The following AFF3 variants were observed in gnomAD, a reference collection of about 807,000 sequenced individuals.
The protein encoded by AFF3 is AF4/FMR2 family member 3.
In AFF3, 32 loss-of-function variants were observed where a neutral mutation model predicts 129.7. That is an observed-to-expected ratio of 0.25 (90% confidence interval 0.19 to 0.33). The LOEUF (loss-of-function observed/expected upper bound fraction) is 0.33, where lower values mean the gene tolerates loss of function less well. Ranked by LOEUF, AFF3 falls within the 10% of genes least tolerant of loss-of-function variation. The pLI is 1.00. For synonymous variants in AFF3, 644 were observed against 635.4 expected, an observed-to-expected ratio of 1.01 and a Z score of -0.20; for missense variants, 1,373 against 1,592.0, an observed-to-expected ratio of 0.86 and a Z score of 2.34.
At chr2:100,070,948 TTATAA>T in intron 4 of AFF3, among the ~76,000 whole-genome samples, 1 of 152,236 alleles carries the variant, frequency 6.6e-6, no homozygotes, top group Admixed American at 6.5e-5. Context: ...GAGATTTTTC[TTATAA>T]TAGGATATAT....
chr2:99,587,661 G>T (rs1298633161), intron 15 of AFF3, among the ~76,000 whole-genome samples: 2 of 152,190 alleles, frequency 1.3e-5, no homozygotes, highest in African/African-American at 2.4e-5. Context: ...GCAAGTGTGT[G>T]TTCTCTGGGA....
At chr2:100,104,615 C>G in intron 3 of AFF3, 97 bp from the exon 4 acceptor site, 1 of 957,996 alleles carries the variant, frequency 1.0e-6, no homozygotes, top group Non-Finnish European at 1.2e-6. Context: ...CCCGACGCCC[C>G]CCGCCCCCGA....
intron 11 of AFF3, among the ~76,000 whole-genome samples, chr2:99,722,067 A>C (rs1319042347): frequency 6.6e-6 from 1 of 151,968 alleles, no homozygotes; most frequent in Non-Finnish European, 1.5e-5. Context: ...CAAATGTTAC[A>C]TTTTTCAGTT....
intron 7 of AFF3, among the ~76,000 whole-genome samples, chr2:99,897,769 T>C (rs911215681): frequency 6.6e-6 from 1 of 152,182 alleles, no homozygotes; most frequent in Non-Finnish European, 1.5e-5. Flanking sequence ...GACACACATA[T>C]ATTGTTTTAT....
At chr2:99,678,530 G>A (rs1575673269) in intron 11 of AFF3, among the ~76,000 whole-genome samples, 1 of 152,164 alleles carries the variant, frequency 6.6e-6, no homozygotes, top group South Asian at 2.1e-4. Flanking sequence ...TGTCATTTGG[G>A]GCCCTTAACA....
intron 7 of AFF3, among the ~76,000 whole-genome samples, chr2:99,907,823 C>T (rs1313793058): frequency 6.6e-6 from 1 of 152,230 alleles, no homozygotes; most frequent in South Asian, 2.1e-4. Context: ...AAAACAAATA[C>T]TATGTTTACT....
chr2:99,673,497 A>C (rs1181196650), intron 11 of AFF3, among the ~76,000 whole-genome samples: 3 of 152,202 alleles, frequency 2.0e-5, no homozygotes, highest in African/African-American at 7.2e-5. Context: ...ATTTTTCTTT[A>C]TAGTAGTTTT....
At chr2:99,767,219 C>G (rs1683089957) in intron 8 of AFF3, among the ~76,000 whole-genome samples, 1 of 152,184 alleles carries the variant, frequency 6.6e-6, no homozygotes, top group African/African-American at 2.4e-5. Flanking sequence ...GAGGTGTAAG[C>G]ACCATGAGAG....
chr2:99,996,527 A>ATTTTTTTTTTT (rs756231548), intron 7 of AFF3, among the ~76,000 whole-genome samples: 15 of 114,086 alleles, frequency 1.3e-4, no homozygotes, highest in African/African-American at 4.7e-4. Context: ...CGCCCGGCTA[A>ATTTTTTTTTTT]TTTTTTTTTT....
intron 7 of AFF3, among the ~76,000 whole-genome samples, chr2:99,856,961 T>C (rs1234375662): frequency 6.6e-6 from 1 of 152,090 alleles, no homozygotes; most frequent in Non-Finnish European, 1.5e-5. Context: ...GGCATTGAAA[T>C]TACTGTTAGA....
chr2:99,573,781 G>A (rs547053328), intron 18 of AFF3, among the ~76,000 whole-genome samples: 5 of 152,266 alleles, frequency 3.3e-5, no homozygotes, highest in Non-Finnish European at 5.9e-5. Context: ...GGCACCATGG[G>A]GACAGAAGGG....
chr2:99,955,424 T>C (rs1676550306), intron 7 of AFF3, among the ~76,000 whole-genome samples: 1 of 152,198 alleles, frequency 6.6e-6, no homozygotes, highest in South Asian at 2.1e-4. Flanking sequence ...TGAGTGAGAA[T>C]TGCCTCCAAA....
chr2:99,723,619 C>A (rs1679101825), intron 11 of AFF3, among the ~76,000 whole-genome samples: 2 of 152,134 alleles, frequency 1.3e-5, no homozygotes, highest in African/African-American at 4.8e-5. Context: ...GGCTGTCTCC[C>A]CTTTTCCCAT....
At chr2:99,936,270 T>C (rs1406491654) in intron 7 of AFF3, among the ~76,000 whole-genome samples, 1 of 152,158 alleles carries the variant, frequency 6.6e-6, no homozygotes, top group African/African-American at 2.4e-5. Context: ...CAGGAGCTGT[T>C]ACAGCCTGGT....
intron 8 of AFF3, among the ~76,000 whole-genome samples, chr2:99,808,686 G>C (rs544164295): frequency 3.0e-4 from 46 of 152,024 alleles, no homozygotes; most frequent in African/African-American, 1.1e-3. Context: ...AAACAAGAAA[G>C]TAGACACAAT....
At chr2:99,587,368 C>T (rs956388512) in intron 15 of AFF3, 90 bp from the exon 16 acceptor site, 40 of 1,506,210 alleles carry the variant, frequency 2.7e-5, no homozygotes, top group Non-Finnish European at 3.3e-5. Flanking sequence ...GCAAGGCCTC[C>T]TGGGAGCCCC....
chr2:99,920,278 C>A (rs1051160012), intron 7 of AFF3, among the ~76,000 whole-genome samples: 6 of 151,982 alleles, frequency 3.9e-5, no homozygotes, highest in African/African-American at 9.7e-5. Context: ...CAAAATCCCT[C>A]ATGAGCACAG....
chr2:99,606,423 T>TAA (rs1463167915), intron 13 of AFF3, among the ~76,000 whole-genome samples: 1 of 152,084 alleles, frequency 6.6e-6, no homozygotes, highest in Non-Finnish European at 1.5e-5. Flanking sequence ...CCAGAAAACA[T>TAA]TATTGAGATC....
chr2:99,718,864 C>T (rs1434292329), intron 11 of AFF3, among the ~76,000 whole-genome samples: 1 of 151,830 alleles, frequency 6.6e-6, no homozygotes, highest in Non-Finnish European at 1.5e-5. Flanking sequence ...CATTCTCCTG[C>T]CTCAGCCTCC....
Sources: gnomAD v4.1 joint callset for allele counts (sites outside exome capture counted in the v4.1 genomes callset) on GRCh38, gnomAD v4.1.1 for gene constraint, MANE v1.5 for transcripts, NCBI Gene and HGNC (gene_info 2026-07-23, HGNC 2026-07-21) for gene names.